CFAP74: variants seen among roughly 807,000 people sequenced by gnomAD.
CFAP74 encodes cilia and flagella associated protein 74, also known as cilia- and flagella-associated protein 74.
CFAP74 carries 124 observed loss-of-function variants against 188.9 expected under a neutral mutation model. That is an observed-to-expected ratio of 0.66 (90% CI 0.57 to 0.76). The LOEUF (loss-of-function observed/expected upper bound fraction) is 0.76, where lower values mean the gene tolerates loss of function less well. CFAP74 is among the 30% of genes least tolerant of loss of function. The pLI, the probability that CFAP74 is intolerant of heterozygous loss-of-function variation, is 0.00. For synonymous variants in CFAP74, 956 were observed against 916.7 expected (o/e 1.04, Z -0.77); for missense variants, 2,198 against 2,165.2 (o/e 1.02, Z -0.30).
At chr1:1,959,260 G>T in intron 15 of CFAP74, 51 bp from the exon 16 acceptor site, 3 of 1,288,910 alleles carry the variant, frequency 2.3e-6, no homozygotes, top group Admixed American at 1.9e-5. Flanking sequence ...ACTTTTGTGT[G>T]TTTTGTTTTT....
chr1:1,955,205 A>G, intron 18 of CFAP74: 10 of 1,289,050 alleles, frequency 7.8e-6, no homozygotes, highest in Non-Finnish European at 1.0e-5. Context: ...CGTATGTGGG[A>G]AAACGATCAA....
Position 1,993,898 on chromosome 1 carries a change from C to G in CFAP74, c.-19-2923G>C, listed in dbSNP as rs111643081. On this transcript the variant is annotated intron_variant, in intron 1 of 38. Coordinates refer to ENST00000682832, the MANE Select transcript of CFAP74 (RefSeq NM_001304360.2). Reference sequence around the variant, plus strand: ...TCGGGAGGCTGAGGCAGGAGAATGGCGTGAACCCGGGAGGCGGAGCTTGCA... The same window carrying G: ...TCGGGAGGCTGAGGCAGGAGAATGGGGTGAACCCGGGAGGCGGAGCTTGCA... Among the ~76,000 whole-genome samples the G allele has an allele frequency of 4.3e-4, 65 of 150,418 alleles. 1 individual carries two copies. In the East Asian group the frequency reaches 0.013, roughly 29 times the overall value.
intron 25 of CFAP74, among the ~76,000 whole-genome samples, chr1:1,938,242 T>C (rs1653068455): frequency 1.4e-5 from 2 of 143,176 alleles, no homozygotes; most frequent in Non-Finnish European, 3.0e-5. Context: ...TGCTCACACA[T>C]ACAAGCACTC....
In CFAP74 at chr1:1,985,460, G is replaced by A. The variant is rs368486223; in HGVS notation, c.426C>T (p.Ser142=). 3.3e-4 allele frequency: 529 copies of A among 1,613,856 alleles called. No homozygotes were observed. Among genetic ancestry groups the A allele is most frequent in the Non-Finnish European group, 4.1e-4 (488 of 1,180,030 alleles). The change falls in exon 6 of 39, where the codon TCC becomes TCT. Residue 142 remains serine (S), a synonymous_variant. Coordinates refer to ENST00000682832, the MANE Select transcript of CFAP74 (RefSeq NM_001304360.2). Reference sequence around the variant, plus strand: ...TCTCCAGCTCTGCAAACAGGCGTCTGGACACGGCCTGGAGGCGGCCCACAG... The same window carrying A: ...TCTCCAGCTCTGCAAACAGGCGTCTAGACACGGCCTGGAGGCGGCCCACAG... ...MAAVGRLQAV[S]RRLFAELENE... is the part of the protein sequence containing the mutation.
At chr1:1,926,567 T>G in intron 30 of CFAP74, 55 bp from the exon 31 acceptor site, 1 of 1,548,212 alleles carries the variant, frequency 6.5e-7, no homozygotes, top group Non-Finnish European at 8.7e-7. Context: ...GGAGCGTCTC[T>G]GCCAGGGGTG....
chr1:1,967,667 G>A (rs530215335), intron 11 of CFAP74, among the ~76,000 whole-genome samples: 1 of 152,174 alleles, frequency 6.6e-6, no homozygotes, highest in Non-Finnish European at 1.5e-5. Context: ...GGCAGCCCAA[G>A]GCTTTCTCTT....
intron 2 of CFAP74, among the ~76,000 whole-genome samples, chr1:1,990,175 A>G (rs1196314399): frequency 6.6e-6 from 1 of 152,226 alleles, no homozygotes; most frequent in Admixed American, 6.5e-5. Context: ...CAACATAAAC[A>G]AATGTTCTCT....
At chr1:1,995,220 C>G (rs923357236) in intron 1 of CFAP74, among the ~76,000 whole-genome samples, 3 of 152,152 alleles carry the variant, frequency 2.0e-5, no homozygotes, top group African/African-American at 7.2e-5. Flanking sequence ...AAGAACAAAC[C>G]AGGTGAGGTG....
intron 21 of CFAP74, among the ~76,000 whole-genome samples, 163 bp downstream of exon 21, chr1:1,944,167 TG>T (rs1167699872): frequency 6.6e-6 from 1 of 151,698 alleles, no homozygotes; most frequent in Non-Finnish European, 1.5e-5. Flanking sequence ...CGCTGGCCAC[TG>T]GGGGGCTCAC....
chr1:1,969,776 C>T (rs1655797877), intron 10 of CFAP74, among the ~76,000 whole-genome samples: 1 of 152,186 alleles, frequency 6.6e-6, no homozygotes, highest in African/African-American at 2.4e-5. Flanking sequence ...GGGGAGGACG[C>T]ACTCAGGGCT....
rs559752793 is a variant in CFAP74, at chr1:1,940,885, C to G, written c.2616-482G>C. ...CCCAGCACTTTGGGAGGCTGAGGCGCGCGGATCACGAGGTCAGGAGATGGA... is the reference window on the plus strand; with the variant it reads ...CCCAGCACTTTGGGAGGCTGAGGCGGGCGGATCACGAGGTCAGGAGATGGA... On this transcript the variant is annotated intron_variant, in intron 22 of 38. Transcript: ENST00000682832. Among the ~76,000 whole-genome samples the G allele has an allele frequency of 2.3e-3, 347 of 151,976 alleles. 1 individual carries two copies. The highest frequency in any genetic ancestry group is 8.0e-3 in the African/African-American group (332 of 41,456).
intron 1 of CFAP74, among the ~76,000 whole-genome samples, chr1:1,993,993 A>T (rs776893380): frequency 1.5e-4 from 23 of 151,466 alleles, no homozygotes; most frequent in Non-Finnish European, 3.1e-4. Flanking sequence ...AAAAAAATAA[A>T]AATAAAATAA....
chr1:1,923,935 G>A lies in CFAP74; in HGVS notation c.4235-6C>T. ...ACCGTTGAGATTCTGCGTCCCTGCGGGTAGGGTGGGGTGCAGTTTGGCCTT... is the reference window on the plus strand; with the variant it reads ...ACCGTTGAGATTCTGCGTCCCTGCGAGTAGGGTGGGGTGCAGTTTGGCCTT... On this transcript the variant is annotated splice_region_variant and splice_polypyrimidine_tract_variant and intron_variant, in intron 34 of 38. Coordinates refer to ENST00000682832, the MANE Select transcript of CFAP74 (RefSeq NM_001304360.2). The surrounding 1 kb of genome is among the most constrained non-coding windows in gnomAD (Gnocchi z 6.3). 1 of 1,603,844 alleles carries A rather than the reference G, an allele frequency of 6.2e-7. No homozygotes were observed. The highest frequency in any genetic ancestry group is 8.5e-7 in the Non-Finnish European group (1 of 1,174,752).
At chr1:1,983,153 C>A (rs1226062011) in intron 6 of CFAP74, among the ~76,000 whole-genome samples, 1 of 152,170 alleles carries the variant, frequency 6.6e-6, no homozygotes, top group Non-Finnish European at 1.5e-5. Context: ...GGAACGCTCC[C>A]CTAACGGTGG....
intron 1 of CFAP74, among the ~76,000 whole-genome samples, chr1:1,992,477 AT>A (rs34753436): frequency 0.048 from 6,686 of 138,776 alleles, 295 homozygotes; most frequent in African/African-American, 0.11. Context: ...ACCAAAAACA[AT>A]TTTTTTTTTT....
At chr1:1,993,651 T>G (rs1247728799) in intron 1 of CFAP74, among the ~76,000 whole-genome samples, 1 of 145,328 alleles carries the variant, frequency 6.9e-6, no homozygotes, top group Non-Finnish European at 1.5e-5. Context: ...CACATTGTGC[T>G]TGTACCATGA....
At chr1:1,929,933 C>G (rs1321459069) in intron 26 of CFAP74, 127 bp downstream of exon 26, 1 of 1,108,516 alleles carries the variant, frequency 9.0e-7, no homozygotes, top group East Asian at 2.6e-5. Flanking sequence ...GGGTCAGGTT[C>G]ACTCCCGCCC....
intron 18 of CFAP74, among the ~76,000 whole-genome samples, chr1:1,948,689 A>G (rs1653958301): frequency 6.7e-6 from 1 of 149,894 alleles, no homozygotes; most frequent in Admixed American, 6.7e-5. Flanking sequence ...CCCAGGCTCA[A>G]GCGATCCTCC....
intron 33 of CFAP74, among the ~76,000 whole-genome samples, 173 bp downstream of exon 33, chr1:1,925,610 G>C (rs1367059961): frequency 2.0e-5 from 3 of 152,180 alleles, no homozygotes; most frequent in Non-Finnish European, 4.4e-5. Flanking sequence ...CGGGTTCCCT[G>C]CAGGAGAGGG....
Sources: gnomAD v4.1 joint callset for allele counts (sites outside exome capture counted in the v4.1 genomes callset) on GRCh38, gnomAD v4.1.1 for gene constraint, Gnocchi (gnomAD v3.1) non-coding constraint, MANE v1.5 for transcripts, NCBI Gene and HGNC (gene_info 2026-07-23, HGNC 2026-07-21) for gene names.